Variants in DHPS observed in about 807,000 individuals in gnomAD.
DHPS encodes the protein migration-inducing gene 13.
In DHPS, 24 loss-of-function variants were observed where a neutral mutation model predicts 38.7. The observed-to-expected ratio is 0.62, with a 90% CI of 0.45 to 0.87. The LOEUF (loss-of-function observed/expected upper bound fraction) is 0.87, where lower values mean the gene tolerates loss of function less well. Ranked by LOEUF, DHPS falls within the 40% of genes least tolerant of loss-of-function variation. The pLI is 0.00. For synonymous variants in DHPS, 250 were observed against 204.4 expected (o/e 1.22, Z -1.90); for missense variants, 510 against 497.6 (o/e 1.02, Z -0.24).
At chr19:12,672,770 G>A, downstream of DHPS, 3 of 1,458,582 alleles carry the variant, frequency 2.1e-6, no homozygotes, top group Non-Finnish European at 2.8e-6. Flanking sequence ...CAGGCCCACT[G>A]GGCTGGGAAG....
chr19:12,675,433 G>T, downstream of DHPS: 1 of 1,530,038 alleles, frequency 6.5e-7, no homozygotes. Context: ...GAGGGCTTCA[G>T]GCAGGACTGA....
chr19:12,672,874 T>C (rs1254561341), downstream of DHPS: 3 of 1,594,272 alleles, frequency 1.9e-6, no homozygotes, highest in African/African-American at 2.7e-5. Flanking sequence ...TGAGACGCTA[T>C]GACCTAAGGA....
chr19:12,680,049 T>G (rs1433380192), intron 2 of DHPS, 112 bp downstream of exon 2: 2 of 1,553,920 alleles, frequency 1.3e-6, no homozygotes, highest in African/African-American at 2.7e-5. Flanking sequence ...CAAAACTTGA[T>G]TCTATTCCTC....
intron 5 of DHPS, among the ~76,000 whole-genome samples, chr19:12,678,339 C>T (rs1451251668): frequency 6.6e-6 from 1 of 151,712 alleles, no homozygotes; most frequent in African/African-American, 2.4e-5. Flanking sequence ...TGGTGGCACG[C>T]ACCTGTAGTC....
At chr19:12,681,444 G>C in intron 1 of DHPS, 116 bp downstream of exon 1, 1 of 1,272,254 alleles carries the variant, frequency 7.9e-7, no homozygotes, top group Non-Finnish European at 1.1e-6. Flanking sequence ...CCAACTATTG[G>C]GCAACTCAAA....
In DHPS at chr19:12,675,835, C is replaced by G. The variant is rs377358600; in HGVS notation, c.*3G>C. The G allele has an allele frequency of 6.3e-7, 1 of 1,588,612 alleles. No individual in the cohort carries two copies. The highest frequency in any genetic ancestry group is 8.6e-7 in the Non-Finnish European group (1 of 1,166,804). ...GGTAAGACCTTCCTGGGACCGCAGCCGCTCAGTCCTCGTTCTTCTCATGCA... is the reference window on the plus strand; with the variant it reads ...GGTAAGACCTTCCTGGGACCGCAGCGGCTCAGTCCTCGTTCTTCTCATGCA... On this transcript the variant is annotated 3_prime_UTR_variant, in exon 9 of 9. Coordinates refer to ENST00000210060, the MANE Select transcript of DHPS (RefSeq NM_001930.4).
downstream of DHPS, chr19:12,673,257 GAC>G (rs756469373): frequency 1.2e-6 from 2 of 1,613,936 alleles, no homozygotes; most frequent in African/African-American, 1.3e-5. Context: ...GAGCGAGCGT[GAC>G]ACACATGTGG....
intron 5 of DHPS, among the ~76,000 whole-genome samples, chr19:12,678,753 A>T (rs1000308722): frequency 1.5e-5 from 2 of 131,646 alleles, no homozygotes; most frequent in Admixed American, 1.6e-4. Context: ...TGGGCGACAG[A>T]GCAAGACTCT....
downstream of DHPS, chr19:12,673,202 G>A (rs2024473495): frequency 6.2e-7 from 1 of 1,613,984 alleles, no homozygotes; most frequent in Non-Finnish European, 8.5e-7. Flanking sequence ...CCACCCTTAG[G>A]TACAAGGGCC....
In DHPS at chr19:12,679,318, C is replaced by G. The variant is rs558720981; in HGVS notation, c.678+139G>C. The G allele has an allele frequency of 1.6e-4, 132 of 831,308 alleles. 2 individuals carry two copies. The African/African-American group carries it at 2.1e-3, about 13-fold the overall frequency. The allele number at this position is 831,308 out of a possible 1,614,324, so 51.5% of individuals were successfully genotyped here. Reference sequence around the variant, plus strand: ...GTCTCAAAAAAAAAAAAAATTACCACGCCTATCTGTGTTTGAGTCTCCTCA... The same window carrying G: ...GTCTCAAAAAAAAAAAAAATTACCAGGCCTATCTGTGTTTGAGTCTCCTCA... On this transcript the variant is annotated intron_variant, in intron 5 of 8. Coordinates refer to ENST00000210060, the MANE Select transcript of DHPS (RefSeq NM_001930.4).
chr19:12,680,250 T>A lies in DHPS; in HGVS notation c.283A>T (p.Thr95Ser). The change falls in exon 2 of 9, where the codon ACC becomes TCC. Residue 95 changes from threonine (T) to serine (S), a missense_variant. Transcript: ENST00000210060. ...TATCCCAGGAAAATGGTGCAGCTGG[T>A]AAGTGGGCGGCGGCTCTGGGTCAGG... Reference protein sequence around the residue: ...ADLTQSRRPLTSCTIFLGYTS... With the variant: ...ADLTQSRRPLSSCTIFLGYTS... 1 of 1,614,148 alleles carries A rather than the reference T, an allele frequency of 6.2e-7. No individual in the cohort carries two copies. Among genetic ancestry groups the A allele is most frequent in the South Asian group, 1.1e-5 (1 of 91,082 alleles).
downstream of DHPS, chr19:12,672,908 G>A (rs756923065): frequency 1.6e-5 from 25 of 1,599,194 alleles, no homozygotes; most frequent in East Asian, 2.3e-5. Flanking sequence ...CTCAGACTAC[G>A]TGGGCAGTGA....
intron 5 of DHPS, among the ~76,000 whole-genome samples, chr19:12,678,532 G>A (rs2024690681): frequency 6.6e-6 from 1 of 151,972 alleles, no homozygotes; most frequent in African/African-American, 2.4e-5. Context: ...CACTTTGGGA[G>A]GCCAAGGCGG....
chr19:12,679,963 C>A (rs1366077867), intron 2 of DHPS, 41 bp from the exon 3 acceptor site: 1 of 1,591,490 alleles, frequency 6.3e-7, no homozygotes, highest in Admixed American at 1.8e-5. Context: ...AGAAGGAAGC[C>A]CCTGCCCTCA....
At chr19:12,674,663 G>T (rs2024517215), downstream of DHPS, among the ~76,000 whole-genome samples, 1 of 152,180 alleles carries the variant, frequency 6.6e-6, no homozygotes. Flanking sequence ...CATTGGGGCT[G>T]CCAAATGGAC....
In DHPS at chr19:12,680,295, C is replaced by G; in HGVS notation, c.238G>C (p.Asp80His). The change falls in exon 2 of 9, where the codon GAT (aspartate) becomes CAT (histidine). Residue 80 changes from aspartate (D) to histidine (H), a missense_variant. Asp to His is a moderately conservative substitution (Grantham distance 81). Coordinates refer to ENST00000210060, the MANE Select transcript of DHPS (RefSeq NM_001930.4). ...GTCAGGTCCGCGTGCTGGTCTTCATCCTGTGACAGTGGTTCCAGCTTCTTC... is the reference window on the plus strand; with the variant it reads ...GTCAGGTCCGCGTGCTGGTCTTCATGCTGTGACAGTGGTTCCAGCTTCTTC... ...IEKKLEPLSQ[D>H]EDQHADLTQS... 1.2e-6 allele frequency: 2 copies of G among 1,614,146 alleles called. No individual in the cohort carries two copies. The highest frequency in any genetic ancestry group is 1.1e-5 in the South Asian group (1 of 91,088).
intron 7 of DHPS, 96 bp downstream of exon 7, chr19:12,677,012 C>A: frequency 8.6e-7 from 1 of 1,166,198 alleles, no homozygotes. Flanking sequence ...GAGCAGGGAT[C>A]CTGGCCTGTC....
rs749730231 is a variant in DHPS at position 12,681,561 on chromosome 19, A to G, written c.206T>C (p.Met69Thr). 1.2e-6 allele frequency: 2 copies of G among 1,614,108 alleles called. No individual in the cohort carries two copies. The highest frequency in any genetic ancestry group is 4.5e-5 in the East Asian group (2 of 44,896). The change falls in exon 1 of 9, where the codon ATG (methionine) becomes ACG (threonine). Residue 69 changes from methionine (M) to threonine (T), a missense_variant and splice_region_variant. Transcript: ENST00000210060. ...FGRAVQQVNA[M>T]IEKKLEPLSQ... ...CTAGAAATTCCGCCCGGTCCTCACC[A>G]TGGCATTGACTTGCTGTACAGCGCG...
chr19:12,681,779 G>T lies in DHPS; in HGVS notation c.-13C>A. The T allele has an allele frequency of 5.0e-6, 8 of 1,602,884 alleles. No individual in the cohort carries two copies. Among genetic ancestry groups the T allele is most frequent in the Non-Finnish European group, 6.8e-6 (8 of 1,178,720 alleles). ...GGGAACCTTCCATGCGCCTATAGCCGGCTCTCGAGTCAAAGCTGCCCCTAG... is the reference window on the plus strand; with the variant it reads ...GGGAACCTTCCATGCGCCTATAGCCTGCTCTCGAGTCAAAGCTGCCCCTAG... On this transcript the variant is annotated 5_prime_UTR_variant, in exon 1 of 9. Transcript: ENST00000210060.
Sources: allele counts gnomAD v4.1 joint callset (sites outside exome capture counted in the v4.1 genomes callset), GRCh38; gene constraint gnomAD v4.1.1; transcripts MANE v1.5; gene names NCBI Gene and HGNC (gene_info 2026-07-23, HGNC 2026-07-21).